FAR2: variants seen among roughly 807,000 people sequenced by gnomAD.
The protein encoded by FAR2 is fatty acyl-CoA reductase 2, also known as epididymis secretory protein Li 81.
FAR2 carries 19 observed loss-of-function variants against 56.0 expected under a neutral mutation model. The ratio of observed to expected loss-of-function variants is 0.34; its 90% CI spans 0.24 to 0.50. FAR2 has a LOEUF of 0.50. FAR2 is among the 20% of genes least tolerant of loss of function. FAR2 has a pLI of 0.98. For synonymous variants in FAR2, 219 were observed against 218.8 expected (o/e 1.00, Z -0.01); for missense variants, 508 against 642.2 (o/e 0.79, Z 2.26).
At chr12:29,263,425 A>T (rs528909299) in intron 1 of FAR2, among the ~76,000 whole-genome samples, 3 of 152,258 alleles carry the variant, frequency 2.0e-5, no homozygotes, top group Non-Finnish European at 4.4e-5. Flanking sequence ...AAAACATTTT[A>T]AAAAATGGAA....
chr12:29,262,093 T>C (rs575120981), intron 1 of FAR2, among the ~76,000 whole-genome samples: 1 of 152,214 alleles, frequency 6.6e-6, no homozygotes, highest in Admixed American at 6.5e-5. Flanking sequence ...TCACAAATAA[T>C]AACTCCAACA....
chr12:29,164,840 A>G (rs1949811602), intron 1 of FAR2, among the ~76,000 whole-genome samples: 1 of 152,200 alleles, frequency 6.6e-6, no homozygotes, highest in South Asian at 2.1e-4. Flanking sequence ...CTAAAGATGT[A>G]TCTTTCCTGT....
intron 1 of FAR2, among the ~76,000 whole-genome samples, chr12:29,159,382 C>CA (rs983239903): frequency 1.1e-4 from 17 of 151,880 alleles, no homozygotes; most frequent in Admixed American, 3.3e-4. Context: ...ACGAAAAATA[C>CA]AAAAAATTAG....
At chr12:29,280,884 G>A (rs1189882765) in intron 2 of FAR2, 1 of 152,216 alleles carries the variant, frequency 6.6e-6, no homozygotes, top group Admixed American at 6.5e-5. Context: ...CTAACCACAA[G>A]GATGGCTGGA....
intron 2 of FAR2, among the ~76,000 whole-genome samples, chr12:29,280,081 T>A (rs1460797208): frequency 6.6e-6 from 1 of 152,070 alleles, no homozygotes; most frequent in Non-Finnish European, 1.5e-5. Flanking sequence ...CCCGCCACCA[T>A]GCCTAGCTAA....
chr12:29,251,762 C>G (rs1252780846), intron 1 of FAR2, among the ~76,000 whole-genome samples: 1 of 152,074 alleles, frequency 6.6e-6, no homozygotes, highest in Non-Finnish European at 1.5e-5. Context: ...AGATTAGAGA[C>G]CAATACCACC....
At chr12:29,282,248 A>G (rs1204014170) in intron 2 of FAR2, 6 of 152,202 alleles carry the variant, frequency 3.9e-5, no homozygotes, top group Non-Finnish European at 1.5e-5. Context: ...TTTATCTTTA[A>G]CACTGTCTTC....
At chr12:29,322,610 T>C (rs1949571229) in intron 10 of FAR2, among the ~76,000 whole-genome samples, 1 of 152,230 alleles carries the variant, frequency 6.6e-6, no homozygotes, top group Non-Finnish European at 1.5e-5. Context: ...TATTCTGAAA[T>C]TCTTTTGTAT....
chr12:29,209,692 CTGTGTG>C (rs34881464), intron 1 of FAR2, among the ~76,000 whole-genome samples: 6 of 149,190 alleles, frequency 4.0e-5, no homozygotes, highest in Non-Finnish European at 7.5e-5. Flanking sequence ...GATGTCTGCT[CTGTGTG>C]TGTGTGTGTG....
At chr12:29,265,069 A>G (rs1233947465) in intron 1 of FAR2, among the ~76,000 whole-genome samples, 3 of 152,250 alleles carry the variant, frequency 2.0e-5, no homozygotes, top group African/African-American at 7.2e-5. Context: ...CATGTGTTGG[A>G]AGAGTCAATA....
chr12:29,297,348 C>A, intron 4 of FAR2, 148 bp downstream of exon 4: 3 of 693,558 alleles, frequency 4.3e-6, no homozygotes, highest in East Asian at 2.8e-5. Flanking sequence ...CTACCTTGTC[C>A]CTGCTAGTTC....
chr12:29,230,103 A>ATGACATACACAGATGTCATAAACAGT (rs1947832643), intron 1 of FAR2, among the ~76,000 whole-genome samples: 1 of 152,212 alleles, frequency 6.6e-6, no homozygotes, highest in Non-Finnish European at 1.5e-5. Flanking sequence ...TCATAAACAG[A>ATGACATACACAGATGTCATAAACAGT]TGACATACAC....
chr12:29,197,927 C>G (rs75357837), intron 1 of FAR2, among the ~76,000 whole-genome samples: 8,154 of 152,196 alleles, frequency 0.054, 284 homozygotes, highest in Non-Finnish European at 0.083. Flanking sequence ...AAACTCATCT[C>G]TATGGATTGA....
intron 1 of FAR2, among the ~76,000 whole-genome samples, chr12:29,257,301 A>G (rs1948335835): frequency 6.6e-6 from 1 of 152,082 alleles, no homozygotes; most frequent in Non-Finnish European, 1.5e-5. Flanking sequence ...CTTTGTGTGG[A>G]CACTCTGTAT....
intron 1 of FAR2, among the ~76,000 whole-genome samples, chr12:29,211,201 G>T (rs1035867942): frequency 2.0e-5 from 3 of 152,192 alleles, no homozygotes; most frequent in African/African-American, 4.8e-5. Context: ...TGAGACAGGA[G>T]AATTGCTTGA....
At chr12:29,171,409 T>A (rs900665855) in intron 1 of FAR2, 1 of 152,354 alleles carries the variant, frequency 6.6e-6, no homozygotes, top group African/African-American at 2.4e-5. Flanking sequence ...TCTGCCCGGC[T>A]GCTGCCCCAT....
rs1949767529 is a variant in FAR2 at position 29,334,037 on chromosome 12, T to C, written c.*243T>C. On this transcript the variant is annotated 3_prime_UTR_variant, in exon 12 of 12. Coordinates refer to ENST00000536681, the MANE Select transcript of FAR2 (RefSeq NM_001271783.2). Reference sequence around the variant, plus strand: ...TCCAAATTGTTTCCTAACATTCTATTTTATGCCCTTGCGTATTAAACGTGA... The same window carrying C: ...TCCAAATTGTTTCCTAACATTCTATCTTATGCCCTTGCGTATTAAACGTGA... 1 of 371,268 alleles carries C rather than the reference T, an allele frequency of 2.7e-6. No homozygotes were observed. The highest frequency in any genetic ancestry group is 2.1e-5 in the African/African-American group (1 of 47,836). The allele number at this position is 371,268 out of a possible 1,614,324, so 23.0% of individuals were successfully genotyped here.
intron 1 of FAR2, among the ~76,000 whole-genome samples, chr12:29,192,797 G>C (rs1389280252): frequency 6.6e-6 from 1 of 152,138 alleles, no homozygotes; most frequent in African/African-American, 2.4e-5. Flanking sequence ...TTGAGCATCA[G>C]CTTTTATAAC....
At chr12:29,222,604 G>A (rs1947708451) in intron 1 of FAR2, among the ~76,000 whole-genome samples, 1 of 151,902 alleles carries the variant, frequency 6.6e-6, no homozygotes, top group Non-Finnish European at 1.5e-5. Context: ...TTCTTCATGG[G>A]ACACCTTGAT....
Sources: allele counts gnomAD v4.1 joint callset (sites outside exome capture counted in the v4.1 genomes callset), GRCh38; gene constraint gnomAD v4.1.1; transcripts MANE v1.5; gene names NCBI Gene and HGNC (gene_info 2026-07-23, HGNC 2026-07-21).